The following MARK3 variants were observed in gnomAD, a reference collection of about 807,000 sequenced individuals.
MARK3 encodes the protein microtubule affinity regulating kinase 3.
In MARK3, 46 loss-of-function variants were observed where a neutral mutation model predicts 90.1. The ratio of observed to expected loss-of-function variants is 0.51; its 90% confidence interval spans 0.40 to 0.65. The LOEUF (loss-of-function observed/expected upper bound fraction) is 0.65. Ranked by LOEUF, MARK3 falls within the 30% of genes least tolerant of loss-of-function variation. MARK3 has a pLI of 0.00. For missense variants in MARK3, 818 were observed against 947.2 expected, an observed-to-expected ratio of 0.86 and a Z score of 1.79; for synonymous variants, 321 against 332.6, an observed-to-expected ratio of 0.97 and a Z score of 0.38.
At chr14:103,500,389 T>C (rs927718237) in intron 17 of MARK3, among the ~76,000 whole-genome samples, 189 bp downstream of exon 17, 1 of 152,232 alleles carries the variant, frequency 6.6e-6, no homozygotes, top group African/African-American at 2.4e-5. Flanking sequence ...GCCTCCGCTC[T>C]ACATTTGTGT....
chr14:103,421,897 G>A (rs1425688743), intron 2 of MARK3, among the ~76,000 whole-genome samples: 1 of 152,072 alleles, frequency 6.6e-6, no homozygotes, highest in Non-Finnish European at 1.5e-5. Context: ...AACTTTTCAT[G>A]TAATTATTTT....
chr14:103,400,578 A>T (rs1474648158), intron 1 of MARK3, among the ~76,000 whole-genome samples: 1 of 152,178 alleles, frequency 6.6e-6, no homozygotes, highest in Non-Finnish European at 1.5e-5. Flanking sequence ...TTGAGTACCC[A>T]TTATGTGCAT....
intron 1 of MARK3, among the ~76,000 whole-genome samples, chr14:103,389,411 C>CCAG (rs1449314756): frequency 6.7e-6 from 1 of 149,742 alleles, no homozygotes; most frequent in African/African-American, 2.5e-5. Context: ...GCCTGTAATT[C>CCAG]CAGCTACTCA....
rs746523547 is a variant in MARK3, at chr14:103,446,710, C to CTTTTT, written c.298-2188_298-2184dup. On this transcript the variant is annotated intron_variant, in intron 3 of 17. Coordinates refer to ENST00000429436, the MANE Select transcript of MARK3 (RefSeq NM_001128918.3). ...TGGCATCCAAAGTGGAGATTGTTGT[C>CTTTTT]TTTTTTTTTTTTTTTTTTTTTTTTT... Among the ~76,000 whole-genome samples, 36 of 98,046 alleles carry CTTTTT rather than the reference C, an allele frequency of 3.7e-4. 1 individual carries two copies. The highest frequency in any genetic ancestry group is 1.4e-3 in the African/African-American group (26 of 18,796). 64.3% of individuals were successfully genotyped at this position (98,046 alleles called of 152,430 possible). A position where few individuals can be genotyped will look rare whatever the true frequency, so the allele number is the denominator to read the frequency against.
In MARK3 at chr14:103,465,602, G is replaced by T. The variant is rs774189676; in HGVS notation, c.586G>T (p.Asp196Tyr). 6.2e-7 allele frequency: 1 copy of T among 1,614,122 alleles called. No homozygotes were observed. Among genetic ancestry groups the T allele is most frequent in the African/African-American group, 1.3e-5 (1 of 75,034 alleles). Residue 196 changes from aspartate (D) to tyrosine (Y), a missense_variant, in exon 8 of 18, where the codon GAT (aspartate) becomes TAT (tyrosine). Transcript: ENST00000429436. ...TGCCGATATGAACATTAAAATAGCA[G>T]ATTTCGGTTTTAGCAATGAATTTAC... ...LDADMNIKIA[D>Y]FGFSNEFTVG...
At chr14:103,492,810 G>C (rs897046165) in intron 15 of MARK3, among the ~76,000 whole-genome samples, 4 of 152,242 alleles carry the variant, frequency 2.6e-5, no homozygotes, top group Non-Finnish European at 5.9e-5. Flanking sequence ...GCTGCTTCAA[G>C]AGGAAAAAGA....
chr14:103,491,705 ATAAAAGGTATATTGTGACTG>A, intron 14 of MARK3, 52 bp from the exon 15 acceptor site: 1 of 1,514,960 alleles, frequency 6.6e-7, no homozygotes, highest in Non-Finnish European at 9.0e-7. Context: ...TCCACTGTGT[ATAAAAGGTATATTGTGACTG>A]TAAATTTTTG....
At chr14:103,501,344 G>A (rs182180207) in intron 17 of MARK3, among the ~76,000 whole-genome samples, 36 of 152,268 alleles carry the variant, frequency 2.4e-4, no homozygotes, top group Admixed American at 9.2e-4. Context: ...CCCATAATAG[G>A]AAGGTGACAT....
intron 1 of MARK3, among the ~76,000 whole-genome samples, chr14:103,401,166 C>T (rs1254208650): frequency 1.3e-5 from 2 of 151,852 alleles, no homozygotes; most frequent in Non-Finnish European, 2.9e-5. Flanking sequence ...AAATGAAGGG[C>T]AAATGGAAGC....
chr14:103,478,791 G>A lies in MARK3; in HGVS notation c.1483-1596G>A, dbSNP rs959771582. Among the ~76,000 whole-genome samples the A allele has an allele frequency of 5.9e-5, 9 of 152,068 alleles. No individual in the cohort carries two copies. The South Asian group carries it at 1.7e-3, about 28-fold the overall frequency. Reference sequence around the variant, plus strand: ...CGACCTCAGGTGATCCACCCGCCTCGGCCTCCCAAAGCGCTGGGATTACAG... The same window carrying A: ...CGACCTCAGGTGATCCACCCGCCTCAGCCTCCCAAAGCGCTGGGATTACAG... On this transcript the variant is annotated intron_variant, in intron 13 of 17. Coordinates refer to ENST00000429436, the MANE Select transcript of MARK3 (RefSeq NM_001128918.3).
chr14:103,459,037 C>G (rs537618134), intron 6 of MARK3, among the ~76,000 whole-genome samples: 39 of 152,136 alleles, frequency 2.6e-4, no homozygotes, highest in African/African-American at 9.4e-4. Flanking sequence ...AAAGGAAATT[C>G]AGATTTTTAT....
chr14:103,389,432 G>C (rs1407804896), intron 1 of MARK3, among the ~76,000 whole-genome samples: 1 of 143,950 alleles, frequency 6.9e-6, no homozygotes, highest in Non-Finnish European at 1.5e-5. Context: ...GGAGGCTGAC[G>C]TGGGAGAATC....
intron 5 of MARK3, among the ~76,000 whole-genome samples, chr14:103,454,043 A>C (rs1428707609): frequency 5.3e-5 from 8 of 152,186 alleles, no homozygotes; most frequent in Admixed American, 5.2e-4. Context: ...ATCCAGGTTT[A>C]GTAGAAAGAG....
At chr14:103,481,757 CTTTTTTTTT>C (rs71126030) in intron 14 of MARK3, among the ~76,000 whole-genome samples, 28 of 49,802 alleles carry the variant, frequency 5.6e-4, no homozygotes, top group Admixed American at 2.8e-3. Flanking sequence ...ATAGGTATTT[CTTTTTTTTT>C]TTTTTTTTTT....
intron 14 of MARK3, chr14:103,490,551 A>G (rs1202000231): frequency 1.3e-5 from 2 of 152,082 alleles, no homozygotes; most frequent in African/African-American, 4.8e-5. Context: ...AAAATAAAAT[A>G]TGTCAGTGTG....
intron 2 of MARK3, among the ~76,000 whole-genome samples, chr14:103,409,057 G>A (rs142934241): frequency 2.0e-5 from 3 of 152,226 alleles, no homozygotes; most frequent in Admixed American, 6.5e-5. Flanking sequence ...TGAGACAGAC[G>A]AACCTCTTCC....
chr14:103,467,231 A>G (rs764095992), intron 11 of MARK3, 40 bp downstream of exon 11: 2 of 901,550 alleles, frequency 2.2e-6, no homozygotes, highest in Non-Finnish European at 3.5e-6. Context: ...CCTGTATGTA[A>G]TTATTAGTTT....
At chr14:103,415,669 T>G (rs975292283) in intron 2 of MARK3, among the ~76,000 whole-genome samples, 1 of 152,174 alleles carries the variant, frequency 6.6e-6, no homozygotes, top group Non-Finnish European at 1.5e-5. Context: ...CAGAGACCTT[T>G]CCCCTCACAC....
chr14:103,463,060 T>C (rs1407290190), intron 7 of MARK3, among the ~76,000 whole-genome samples: 2 of 152,156 alleles, frequency 1.3e-5, no homozygotes, highest in Non-Finnish European at 2.9e-5. Context: ...CTCTGTCTGA[T>C]GCCTCTTTTC....
Sources: allele counts gnomAD v4.1 joint callset (sites outside exome capture counted in the v4.1 genomes callset), GRCh38; gene constraint gnomAD v4.1.1; transcripts MANE v1.5; gene names NCBI Gene and HGNC (gene_info 2026-07-23, HGNC 2026-07-21).